Variants in CELF2 observed in about 807,000 individuals in gnomAD.
CELF2 encodes CUGBP Elav-like family member 2.
A neutral mutation model predicts 62.6 loss-of-function variants in CELF2; 8 were observed. That is an observed-to-expected ratio of 0.13 (90% CI 0.07 to 0.23). CELF2 has a LOEUF of 0.23. CELF2 is among the 10% of genes least tolerant of loss of function. The probability of loss-of-function intolerance (pLI) is 1.00; values close to 1 mark genes in which losing one functional copy is unlikely to be tolerated. For synonymous variants in CELF2, 258 were observed against 250.0 expected (o/e 1.03, Z -0.30); for missense variants, 333 against 671.0 (o/e 0.50, Z 5.56).
At chr10:10,835,574 G>A (rs2058222838) in intron 1 of CELF2, among the ~76,000 whole-genome samples, 2 of 151,956 alleles carry the variant, frequency 1.3e-5, no homozygotes, top group Admixed American at 1.3e-4. Flanking sequence ...GCAGATATGG[G>A]GTTTCACCAT....
At chr10:11,252,895 A>G (rs2653517) in intron 4 of CELF2, among the ~76,000 whole-genome samples, 112,793 of 152,048 alleles carry the variant, frequency 0.74, 42,140 homozygotes, top group Middle Eastern at 0.79. Context: ...GCAGAAAGAC[A>G]AATGGCGGGA....
chr10:10,999,275 C>T (rs1482940375), intron 2 of CELF2, among the ~76,000 whole-genome samples: 3 of 152,294 alleles, frequency 2.0e-5, no homozygotes, highest in South Asian at 4.1e-4. Flanking sequence ...TAAGTGTCTA[C>T]CACATACCAC....
At chr10:11,253,110 G>A (rs928144684) in intron 4 of CELF2, among the ~76,000 whole-genome samples, 4 of 152,198 alleles carry the variant, frequency 2.6e-5, no homozygotes, top group East Asian at 1.9e-4. Context: ...AAGCTGCTTC[G>A]GTTCTGGGTC....
In CELF2 at chr10:11,280,968, G is replaced by A. The variant is rs781435564; in HGVS notation, c.841+5848G>A. ...TCGCCTGGCTGCTTCTGATGCTGGC[G>A]TGCGTGTGCATGCCTGTGTGCGTGT... On this transcript the variant is annotated intron_variant, in intron 8 of 12. Transcript: ENST00000633077. The surrounding 1 kb of genome is among the most constrained non-coding windows in gnomAD (Gnocchi z 7.6). Among the ~76,000 whole-genome samples the A allele has an allele frequency of 4.0e-5, 6 of 150,218 alleles. No individual in the cohort carries two copies. Among genetic ancestry groups the A allele is most frequent in the South Asian group, 2.1e-4 (1 of 4,730 alleles).
intron 5 of CELF2, among the ~76,000 whole-genome samples, chr10:11,265,218 T>A (rs2081869043): frequency 6.6e-6 from 1 of 152,248 alleles, no homozygotes; most frequent in African/African-American, 2.4e-5. Flanking sequence ...ATGCAGAATA[T>A]TCTATTTTGC....
the CELF2 span, among the ~76,000 whole-genome samples, chr10:10,636,213 A>C: frequency 6.6e-6 from 1 of 152,224 alleles, no homozygotes. Flanking sequence ...TGATCAAAAC[A>C]ATATGTAATT....
chr10:11,326,480 G>A (rs936912263), intron 12 of CELF2, among the ~76,000 whole-genome samples: 1 of 152,222 alleles, frequency 6.6e-6, no homozygotes. Context: ...AGATCTGAAG[G>A]GCCACCATCG....
Position 11,255,532 on chromosome 10 carries a change from C to G in CELF2, c.404-2206C>G, listed in dbSNP as rs2078448635. ...TTCAATTCCACATCCCCCAGCGAGCCTTTCTCAAACACCTGGGTGCACGAT... is the reference window on the plus strand; with the variant it reads ...TTCAATTCCACATCCCCCAGCGAGCGTTTCTCAAACACCTGGGTGCACGAT... On this transcript the variant is annotated intron_variant, in intron 4 of 12. Coordinates refer to ENST00000633077, the MANE Select transcript of CELF2 (RefSeq NM_001326342.2). The surrounding 1 kb of genome is among the most constrained non-coding windows in gnomAD (Gnocchi z 5.5). Among the ~76,000 whole-genome samples, 3 of 152,186 alleles carry G rather than the reference C, an allele frequency of 2.0e-5. No homozygotes were observed. The highest frequency in any genetic ancestry group is 7.2e-5 in the African/African-American group (3 of 41,444).
the CELF2 span, among the ~76,000 whole-genome samples, chr10:10,638,310 C>G: frequency 6.6e-6 from 1 of 152,206 alleles, no homozygotes; most frequent in Non-Finnish European, 1.5e-5. Flanking sequence ...TCCTCACCAA[C>G]AAACATGTCA....
At position 10,957,072 on chromosome 10, in the gene CELF2, T is replaced by A. The variant is rs2048985975; in HGVS notation, c.89+37073T>A. ...CCTCTGACATCTAAGCACTTCAGGA[T>A]CAAGTGTAGACTCTTGCACAAGGGA... is the stretch of plus-strand genomic sequence containing the variant. On this transcript the variant is annotated intron_variant, in intron 2 of 13. Coordinates refer to the CELF2 transcript ENST00000636488. This position sits in a 1 kb window ranked among gnomAD's most constrained non-coding sequence, Gnocchi z 4.1. Among the ~76,000 whole-genome samples the A allele has an allele frequency of 6.6e-6, 1 of 152,152 alleles. No homozygotes were observed. The highest frequency in any genetic ancestry group is 1.5e-5 in the Non-Finnish European group (1 of 68,040).
chr10:11,121,085 A>G (rs7083507), intron 1 of CELF2, among the ~76,000 whole-genome samples: 10,604 of 152,142 alleles, frequency 0.07, 446 homozygotes, highest in African/African-American at 0.1. Flanking sequence ...CCTTAGACCC[A>G]TATCTTGCCC....
the CELF2 span, among the ~76,000 whole-genome samples, chr10:10,670,601 T>C: frequency 2.0e-5 from 3 of 152,174 alleles, no homozygotes; most frequent in African/African-American, 7.2e-5. Context: ...GACACATCAT[T>C]ATCAACCAGA....
chr10:11,320,997 G>C, intron 10 of CELF2, 192 bp from the exon 11 acceptor site: 1 of 1,419,794 alleles, frequency 7.0e-7, no homozygotes, highest in Non-Finnish European at 9.6e-7. Flanking sequence ...GGTTCTCATG[G>C]CTTAGGTCAT....
At chr10:11,213,179 A>T (rs1337036628) in intron 2 of CELF2, among the ~76,000 whole-genome samples, 1 of 152,176 alleles carries the variant, frequency 6.6e-6, no homozygotes, top group Non-Finnish European at 1.5e-5. Context: ...AGCCCAAGGG[A>T]CTGTCCCCTC....
At chr10:10,555,274 A>G in the CELF2 span, among the ~76,000 whole-genome samples, 1 of 136,494 alleles carries the variant, frequency 7.3e-6, no homozygotes, top group Non-Finnish European at 1.5e-5. Context: ...CTGGGAGGCC[A>G]GAAAGTCTTT....
chr10:11,155,401 C>G (rs565929350), intron 1 of CELF2, among the ~76,000 whole-genome samples: 6 of 152,252 alleles, frequency 3.9e-5, no homozygotes, highest in Non-Finnish European at 8.8e-5. Context: ...TGCAGAGCCT[C>G]CCTTTTGTTT....
At chr10:10,883,995 TCTC>T (rs1378637837) in intron 1 of CELF2, among the ~76,000 whole-genome samples, 2 of 151,552 alleles carry the variant, frequency 1.3e-5, no homozygotes, top group Non-Finnish European at 2.9e-5. Context: ...ACCTCTTCCT[TCTC>T]CTCCCCTCCC....
chr10:11,037,266 A>G (rs2061109450), intron 1 of CELF2, among the ~76,000 whole-genome samples: 1 of 152,226 alleles, frequency 6.6e-6, no homozygotes, highest in Admixed American at 6.5e-5. Context: ...AGCTCTCCTG[A>G]GACTTACTGT....
Position 11,217,632 on chromosome 10 carries a change from A to AC in CELF2, c.354+131dup, listed in dbSNP as rs887019286. On this transcript the variant is annotated intron_variant, in intron 3 of 12. Transcript: ENST00000633077. The surrounding 1 kb of genome is among the most constrained non-coding windows in gnomAD (Gnocchi z 5.6). ...TTGGTCTTTTGAGGAGTGTGTGCTGACCCCCCAGTTCCCTGCAGCAGCCAC... is the reference window on the plus strand; with the variant it reads ...TTGGTCTTTTGAGGAGTGTGTGCTGACCCCCCCAGTTCCCTGCAGCAGCCAC... 8 of 619,592 alleles carry AC rather than the reference A, an allele frequency of 1.3e-5. No individual in the cohort carries two copies. The highest frequency in any genetic ancestry group is 2.9e-4 in the Middle Eastern group (1 of 3,448). The allele number at this position is 619,592 out of a possible 1,614,324, so 38.4% of individuals were successfully genotyped here.
Sources: gnomAD v4.1 joint callset for allele counts (sites outside exome capture counted in the v4.1 genomes callset) on GRCh38, gnomAD v4.1.1 for gene constraint, Gnocchi (gnomAD v3.1) non-coding constraint, MANE v1.5 for transcripts, NCBI Gene and HGNC (gene_info 2026-07-23, HGNC 2026-07-21) for gene names.